Variants in IGF1R observed in about 807,000 individuals in gnomAD.
IGF1R encodes the protein insulin-like growth factor 1 receptor.
IGF1R carries 44 observed loss-of-function variants against 144.6 expected under a neutral mutation model. That is an observed-to-expected ratio of 0.30 (90% CI 0.24 to 0.39). The LOEUF is 0.39. Ranked by LOEUF, IGF1R falls within the 10% of genes least tolerant of loss-of-function variation. The probability of loss-of-function intolerance (pLI) is 1.00; values close to 1 mark genes in which losing one functional copy is unlikely to be tolerated. For missense variants in IGF1R, 1,355 were observed against 1,833.7 expected (o/e 0.74, Z 4.77); for synonymous variants, 795 against 722.8 (o/e 1.10, Z -1.60).
intron 1 of IGF1R, among the ~76,000 whole-genome samples, chr15:98,682,463 A>G (rs2141216197): frequency 6.6e-6 from 1 of 152,270 alleles, no homozygotes; most frequent in East Asian, 1.9e-4. Flanking sequence ...ACTGTAGGCG[A>G]TTTAGAAATA....
At chr15:98,720,567 A>G (rs1036892965) in intron 2 of IGF1R, among the ~76,000 whole-genome samples, 3 of 152,178 alleles carry the variant, frequency 2.0e-5, no homozygotes, top group African/African-American at 7.2e-5. Flanking sequence ...GGTGGCTGCA[A>G]TTGGAAAGTT....
At chr15:98,687,150 T>G (rs1367848913) in intron 1 of IGF1R, among the ~76,000 whole-genome samples, 1 of 152,226 alleles carries the variant, frequency 6.6e-6, no homozygotes, top group East Asian at 1.9e-4. Context: ...AAGCACCTGC[T>G]GTGTCTCAGA....
chr15:98,932,730 G>C (rs561480510), intron 15 of IGF1R, among the ~76,000 whole-genome samples: 65 of 152,096 alleles, frequency 4.3e-4, no homozygotes, highest in Non-Finnish European at 5.3e-4. Context: ...ACAAGCACCC[G>C]CCTCTTCTTC....
intron 1 of IGF1R, among the ~76,000 whole-genome samples, chr15:98,650,261 T>C (rs974640467): frequency 3.3e-5 from 5 of 152,112 alleles, no homozygotes; most frequent in Non-Finnish European, 7.4e-5. Flanking sequence ...CGTCGCTGCC[T>C]CCCGTCGCCC....
At chr15:98,868,327 CAAAAAA>C (rs55905905) in intron 2 of IGF1R, among the ~76,000 whole-genome samples, 2 of 49,854 alleles carry the variant, frequency 4.0e-5, no homozygotes, top group African/African-American at 1.4e-4. Context: ...ACCTTGTCTC[CAAAAAA>C]AAAAAAAAAA....
At chr15:98,676,809 A>G (rs189738979) in intron 1 of IGF1R, among the ~76,000 whole-genome samples, 5 of 152,328 alleles carry the variant, frequency 3.3e-5, no homozygotes, top group Admixed American at 3.3e-4. Context: ...ACAGAAGGTC[A>G]TAGAGGTTGT....
At chr15:98,901,034 ACTAAGTAT>A (rs1312420098) in intron 5 of IGF1R, among the ~76,000 whole-genome samples, 1 of 152,218 alleles carries the variant, frequency 6.6e-6, no homozygotes, top group Non-Finnish European at 1.5e-5. Flanking sequence ...TGGAGTGTTA[ACTAAGTAT>A]TGTGCACTTA....
At chr15:98,950,004 A>G (rs959724578) in intron 20 of IGF1R, among the ~76,000 whole-genome samples, 1 of 152,246 alleles carries the variant, frequency 6.6e-6, no homozygotes, top group Non-Finnish European at 1.5e-5. Flanking sequence ...ACTTTAAGGC[A>G]GGCTTCAGAG....
At chr15:98,902,936 AG>A (rs536378046) in intron 5 of IGF1R, among the ~76,000 whole-genome samples, 115 of 152,276 alleles carry the variant, frequency 7.6e-4, no homozygotes, top group African/African-American at 2.7e-3. Flanking sequence ...CATTTTACAT[AG>A]AGTAGAGCTC....
intron 7 of IGF1R, 85 bp downstream of exon 7, chr15:98,911,526 C>G: frequency 6.3e-7 from 1 of 1,576,026 alleles, no homozygotes; most frequent in Non-Finnish European, 8.7e-7. Context: ...AATGGGCTGG[C>G]TGAATACAGG....
intron 5 of IGF1R, among the ~76,000 whole-genome samples, chr15:98,902,925 G>C (rs1411887923): frequency 6.6e-6 from 1 of 152,098 alleles, no homozygotes; most frequent in Admixed American, 6.5e-5. Context: ...GAAAATTCAA[G>C]CATTTTACAT....
chr15:98,860,395 C>A (rs2012083589), intron 2 of IGF1R, among the ~76,000 whole-genome samples: 1 of 152,188 alleles, frequency 6.6e-6, no homozygotes, highest in Non-Finnish European at 1.5e-5. Flanking sequence ...CCTCTCACAG[C>A]AAGTCTCTCC....
intron 2 of IGF1R, among the ~76,000 whole-genome samples, chr15:98,861,034 T>TC (rs1469904082): frequency 7.1e-6 from 1 of 141,494 alleles, no homozygotes; most frequent in African/African-American, 2.5e-5. Context: ...CTTCCCTCCC[T>TC]CCCTCCCTCC....
chr15:98,836,521 T>TA (rs36070885), intron 2 of IGF1R, among the ~76,000 whole-genome samples: 3,565 of 129,866 alleles, frequency 0.027, 59 homozygotes, highest in Non-Finnish European at 0.034. Context: ...CCTGTCTCTT[T>TA]AAAAAAAAAA....
intron 1 of IGF1R, among the ~76,000 whole-genome samples, chr15:98,706,520 T>C (rs759180989): frequency 1.1e-4 from 16 of 152,166 alleles, no homozygotes; most frequent in Non-Finnish European, 2.2e-4. Context: ...GCCAATAATG[T>C]TCACTGGAGT....
chr15:98,877,510 TTTTC>T (rs1488487291), intron 2 of IGF1R, among the ~76,000 whole-genome samples: 13 of 146,946 alleles, frequency 8.8e-5, no homozygotes, highest in African/African-American at 1.8e-4. Flanking sequence ...TTTTTTTTTT[TTTTC>T]CCCAAAAAAT....
intron 3 of IGF1R, among the ~76,000 whole-genome samples, chr15:98,892,527 CAAAAAAAAA>C (rs368474118): frequency 1.6e-4 from 12 of 75,600 alleles, no homozygotes; most frequent in South Asian, 4.5e-4. Flanking sequence ...ACTCTGTCTC[CAAAAAAAAA>C]AAAAAAAAAG....
At chr15:98,750,670 A>G (rs2054988240) in intron 2 of IGF1R, among the ~76,000 whole-genome samples, 3 of 152,202 alleles carry the variant, frequency 2.0e-5, no homozygotes, top group Non-Finnish European at 4.4e-5. Flanking sequence ...AAAGAAAATA[A>G]TTGCCTAAAA....
intron 2 of IGF1R, among the ~76,000 whole-genome samples, chr15:98,759,221 T>C (rs575884026): frequency 4.0e-4 from 61 of 152,328 alleles, no homozygotes; most frequent in Non-Finnish European, 7.5e-4. Context: ...CCTAGCCAGC[T>C]TGGCCCAAAT....
Sources: gnomAD v4.1 joint callset for allele counts (sites outside exome capture counted in the v4.1 genomes callset) on GRCh38, gnomAD v4.1.1 for gene constraint, MANE v1.5 for transcripts, NCBI Gene and HGNC (gene_info 2026-07-23, HGNC 2026-07-21) for gene names.